Variants in NFIA observed in about 807,000 individuals in gnomAD.
NFIA encodes the protein nuclear factor 1 A-type.
Under a neutral mutation model 62.8 loss-of-function variants are expected in NFIA, and 8 were observed. The observed-to-expected ratio is 0.13, with a 90% CI of 0.07 to 0.23. The LOEUF is 0.23. Among genes scored for constraint, NFIA ranks in the 10% least tolerant of loss-of-function variants. The pLI, the probability that NFIA is intolerant of heterozygous loss-of-function variation, is 1.00. For synonymous variants in NFIA, 235 were observed against 238.1 expected (o/e 0.99, Z 0.12); for missense variants, 410 against 642.1 (o/e 0.64, Z 3.91).
At chr1:61,332,438 C>A in intron 3 of NFIA, 74 bp from the exon 4 acceptor site, 1 of 1,386,026 alleles carries the variant, frequency 7.2e-7, no homozygotes, top group South Asian at 1.2e-5. Flanking sequence ...CATAATGAAA[C>A]TAATATTTAA....
chr1:61,292,016 G>A lies in NFIA; in HGVS notation c.625+14431G>A, dbSNP rs903022202. 2.5e-4 allele frequency among the ~76,000 whole-genome samples: 38 copies of A among 152,276 alleles called. No homozygotes were observed. The Middle Eastern group carries it at 0.01, about 41-fold the overall frequency. On this transcript the variant is annotated intron_variant, in intron 3 of 10. Transcript: ENST00000403491. ...TAGTAAATGTCACAGTATACTGAAA[G>A]CGAAGCCAGTGAGAGAGAGTCTGCA...
chr1:61,137,385 C>G (rs1345311182), intron 2 of NFIA, among the ~76,000 whole-genome samples: 1 of 152,116 alleles, frequency 6.6e-6, no homozygotes, highest in Non-Finnish European at 1.5e-5. Context: ...AGAGTCAGGA[C>G]TGGAACTCAG....
At chr1:61,163,466 T>G (rs1649354823) in intron 2 of NFIA, among the ~76,000 whole-genome samples, 1 of 152,186 alleles carries the variant, frequency 6.6e-6, no homozygotes, top group South Asian at 2.1e-4. Context: ...AACATCATGG[T>G]ATTTGTAAAG....
At chr1:61,217,925 A>G (rs1653749663) in intron 2 of NFIA, among the ~76,000 whole-genome samples, 1 of 152,210 alleles carries the variant, frequency 6.6e-6, no homozygotes, top group Non-Finnish European at 1.5e-5. Context: ...TACCTATATT[A>G]TGGCACTGTT....
chr1:61,281,583 T>C (rs1316841678), intron 3 of NFIA, among the ~76,000 whole-genome samples: 1 of 152,198 alleles, frequency 6.6e-6, no homozygotes, highest in Non-Finnish European at 1.5e-5. Flanking sequence ...TCCCATTTTG[T>C]TTTATCCTCA....
At chr1:61,310,876 A>G (rs1029039013) in intron 3 of NFIA, among the ~76,000 whole-genome samples, 1 of 151,600 alleles carries the variant, frequency 6.6e-6, no homozygotes, top group Non-Finnish European at 1.5e-5. Context: ...CCTGGCACAC[A>G]TGTGACTCCA....
intron 2 of NFIA, among the ~76,000 whole-genome samples, chr1:61,154,457 T>G (rs1471784599): frequency 6.6e-6 from 1 of 151,992 alleles, no homozygotes; most frequent in Non-Finnish European, 1.5e-5. Flanking sequence ...CACCCGGCCT[T>G]ATTTTATTTT....
intron 10 of NFIA, among the ~76,000 whole-genome samples, chr1:61,438,903 G>A (rs1056702885): frequency 3.9e-5 from 6 of 151,908 alleles, no homozygotes; most frequent in Admixed American, 6.6e-5. Context: ...AAATACCGCA[G>A]GGACTTAAAT....
At chr1:61,401,106 C>A (rs1557758859) in intron 7 of NFIA, among the ~76,000 whole-genome samples, 1 of 152,170 alleles carries the variant, frequency 6.6e-6, no homozygotes, top group Non-Finnish European at 1.5e-5. Context: ...CGAATGATTT[C>A]TCTCCAGTTG....
intron 10 of NFIA, among the ~76,000 whole-genome samples, chr1:61,453,741 G>C (rs773062299): frequency 4.6e-5 from 7 of 152,180 alleles, no homozygotes; most frequent in African/African-American, 9.7e-5. Flanking sequence ...ACGTGGATGA[G>C]AGTCAGCTGT....
At chr1:61,100,783 TAG>T (rs954596226) in intron 2 of NFIA, among the ~76,000 whole-genome samples, 15 of 151,940 alleles carry the variant, frequency 9.9e-5, no homozygotes, top group African/African-American at 3.6e-4. Flanking sequence ...TTTGTGGAGA[TAG>T]AGTCTCACTA....
chr1:61,336,684 C>T (rs1021219347), intron 4 of NFIA, among the ~76,000 whole-genome samples: 3 of 152,192 alleles, frequency 2.0e-5, no homozygotes, highest in Non-Finnish European at 4.4e-5. Flanking sequence ...CCTCCCACTC[C>T]CCACCACTGA....
At chr1:61,082,316 A>C, upstream of NFIA, 1 of 250,006 alleles carries the variant, frequency 4.0e-6, no homozygotes, top group Non-Finnish European at 6.5e-6. Context: ...GCGGCCGCGG[A>C]GGCTCGGGAC....
chr1:61,219,296 C>A (rs1309072707), intron 2 of NFIA, among the ~76,000 whole-genome samples: 1 of 151,760 alleles, frequency 6.6e-6, no homozygotes, highest in African/African-American at 2.4e-5. Flanking sequence ...TTTTTCCAAC[C>A]ACTAGCCTCA....
At chr1:61,378,425 C>T (rs1220681268) in intron 6 of NFIA, among the ~76,000 whole-genome samples, 1 of 152,150 alleles carries the variant, frequency 6.6e-6, no homozygotes, top group Non-Finnish European at 1.5e-5. Context: ...AAAGACTATA[C>T]AACCTAGGGT....
chr1:61,219,970 T>G (rs1158270804), intron 2 of NFIA, among the ~76,000 whole-genome samples: 2 of 132,198 alleles, frequency 1.5e-5, no homozygotes, highest in Non-Finnish European at 3.5e-5. Context: ...TCAAAATAAA[T>G]AAATAAATAA....
chr1:61,379,493 C>T (rs539482807), intron 6 of NFIA, among the ~76,000 whole-genome samples: 4 of 149,968 alleles, frequency 2.7e-5, no homozygotes, highest in Non-Finnish European at 4.4e-5. Flanking sequence ...CTGCAACCTC[C>T]GCCTCCCAGG....
At chr1:61,306,055 T>G (rs1170691038) in intron 3 of NFIA, among the ~76,000 whole-genome samples, 1 of 151,476 alleles carries the variant, frequency 6.6e-6, no homozygotes, top group Non-Finnish European at 1.5e-5. Context: ...TTTCACCGTG[T>G]TAGCCAGGAT....
At chr1:61,266,516 G>A (rs1657178795) in intron 2 of NFIA, among the ~76,000 whole-genome samples, 1 of 152,056 alleles carries the variant, frequency 6.6e-6, no homozygotes, top group South Asian at 2.1e-4. Context: ...TCCTGCCTCA[G>A]CCTCCCAAGT....
Sources: gnomAD v4.1 joint callset for allele counts (sites outside exome capture counted in the v4.1 genomes callset) on GRCh38, gnomAD v4.1.1 for gene constraint, MANE v1.5 for transcripts, NCBI Gene and HGNC (gene_info 2026-07-23, HGNC 2026-07-21) for gene names.